The following NEGR1 variants were observed in gnomAD, a reference collection of about 807,000 sequenced individuals.
NEGR1 encodes neuronal growth regulator 1, also known as IgLON family member 4.
NEGR1 carries 10 observed loss-of-function variants against 40.9 expected under a neutral mutation model. The ratio of observed to expected loss-of-function variants is 0.24; its 90% confidence interval spans 0.15 to 0.42. The LOEUF (loss-of-function observed/expected upper bound fraction) is 0.42. Among genes scored for constraint, NEGR1 ranks in the 10% least tolerant of loss-of-function variants. The pLI, the probability that NEGR1 is intolerant of heterozygous loss-of-function variation, is 1.00. For synonymous variants in NEGR1, 185 were observed against 166.8 expected (o/e 1.11, Z -0.84); for missense variants, 352 against 438.9 (o/e 0.80, Z 1.77).
rs1477514705 is a variant in NEGR1 at position 72,021,124 on chromosome 1, A to C, written c.177-85813T>G. 1.1e-4 allele frequency among the ~76,000 whole-genome samples: 16 copies of C among 152,186 alleles called. No individual in the cohort carries two copies. In the East Asian group the frequency reaches 2.7e-3, roughly 26 times the overall value. On this transcript the variant is annotated intron_variant, in intron 1 of 6. Coordinates refer to ENST00000357731, the MANE Select transcript of NEGR1 (RefSeq NM_173808.3). ...ATCCATTTGAAATCAAAAATAAAAT[A>C]TTACATTTTGAAAACCTCATTTGCT...
At chr1:72,234,899 A>AT (rs1449684383) in intron 1 of NEGR1, among the ~76,000 whole-genome samples, 5 of 152,194 alleles carry the variant, frequency 3.3e-5, no homozygotes, top group African/African-American at 1.2e-4. Flanking sequence ...ACTTAAAATC[A>AT]GAAATCCCAT....
At chr1:71,459,047 T>TAATAA (rs1041819546) in intron 6 of NEGR1, among the ~76,000 whole-genome samples, 1 of 151,958 alleles carries the variant, frequency 6.6e-6, no homozygotes, top group African/African-American at 2.4e-5. Flanking sequence ...ATAAATAAAA[T>TAATAA]AATAAAATAA....
At chr1:72,081,954 C>G (rs1648016956) in intron 1 of NEGR1, among the ~76,000 whole-genome samples, 1 of 152,080 alleles carries the variant, frequency 6.6e-6, no homozygotes, top group Non-Finnish European at 1.5e-5. Flanking sequence ...GTTAAACATA[C>G]TCAGAGAATA....
chr1:71,903,481 T>C (rs1242603734), intron 2 of NEGR1, among the ~76,000 whole-genome samples: 1 of 151,932 alleles, frequency 6.6e-6, no homozygotes, highest in African/African-American at 2.4e-5. Context: ...ATTTATAATG[T>C]CAGATGTTGT....
chr1:71,911,981 G>A (rs1333802005), intron 2 of NEGR1, among the ~76,000 whole-genome samples: 1 of 152,046 alleles, frequency 6.6e-6, no homozygotes, highest in Non-Finnish European at 1.5e-5. Context: ...ATATATTAAT[G>A]GGTATCAAGA....
chr1:72,257,578 CT>C (rs1243900723), intron 1 of NEGR1, among the ~76,000 whole-genome samples: 1 of 151,928 alleles, frequency 6.6e-6, no homozygotes, highest in African/African-American at 2.4e-5. Flanking sequence ...TATTTATTTC[CT>C]TTTTATAATT....
chr1:71,505,220 G>T (rs918084606), intron 6 of NEGR1, among the ~76,000 whole-genome samples: 2 of 152,064 alleles, frequency 1.3e-5, no homozygotes, highest in African/African-American at 4.8e-5. Flanking sequence ...AAGATCTAAG[G>T]GCTATAGATC....
At chr1:72,007,267 C>G (rs1231806693) in intron 1 of NEGR1, among the ~76,000 whole-genome samples, 1 of 151,796 alleles carries the variant, frequency 6.6e-6, no homozygotes, top group South Asian at 2.1e-4. Context: ...TATCTTTCTC[C>G]TAGTTTGAAG....
chr1:71,852,613 T>G (rs1217366387), intron 2 of NEGR1, among the ~76,000 whole-genome samples: 2 of 151,934 alleles, frequency 1.3e-5, no homozygotes, highest in Admixed American at 1.3e-4. Flanking sequence ...ACCACAACTG[T>G]TTTGTTTTGT....
chr1:71,964,276 T>C (rs1646192665), intron 1 of NEGR1, among the ~76,000 whole-genome samples: 1 of 152,114 alleles, frequency 6.6e-6, no homozygotes, highest in Non-Finnish European at 1.5e-5. Context: ...CTGGCCTTAG[T>C]GATTATCTTG....
chr1:71,577,479 A>G (rs546129455), intron 6 of NEGR1, among the ~76,000 whole-genome samples: 1 of 152,294 alleles, frequency 6.6e-6, no homozygotes, highest in African/African-American at 2.4e-5. Flanking sequence ...AACCCAGATG[A>G]CTATGTATCT....
chr1:71,639,083 G>A (rs952093574), intron 4 of NEGR1, among the ~76,000 whole-genome samples: 2 of 151,618 alleles, frequency 1.3e-5, no homozygotes, highest in African/African-American at 4.8e-5. Context: ...TGTGTCAAAG[G>A]AGCACACATT....
chr1:71,632,504 T>A (rs868347662), intron 4 of NEGR1, among the ~76,000 whole-genome samples: 33 of 150,886 alleles, frequency 2.2e-4, no homozygotes, highest in African/African-American at 7.8e-4. Flanking sequence ...CTATTAGTAC[T>A]ATTTAATAAT....
At chr1:71,746,284 T>C (rs1266931727) in intron 3 of NEGR1, among the ~76,000 whole-genome samples, 1 of 152,208 alleles carries the variant, frequency 6.6e-6, no homozygotes, top group Admixed American at 6.5e-5. Context: ...AAATGTTTAA[T>C]TAATGAATAA....
At chr1:72,064,941 A>G (rs566687437) in intron 1 of NEGR1, among the ~76,000 whole-genome samples, 1 of 152,196 alleles carries the variant, frequency 6.6e-6, no homozygotes, top group African/African-American at 2.4e-5. Flanking sequence ...TCAATTATAA[A>G]TTACTGTTAA....
intron 2 of NEGR1, among the ~76,000 whole-genome samples, chr1:71,896,035 C>CTTTTTTTT (rs71074810): frequency 9.0e-6 from 1 of 111,216 alleles, no homozygotes; most frequent in African/African-American, 3.5e-5. Context: ...TAACGTTTAA[C>CTTTTTTTT]TTTTTTTTTT....
intron 1 of NEGR1, among the ~76,000 whole-genome samples, chr1:72,250,710 T>TA (rs1385198230): frequency 1.3e-5 from 2 of 152,204 alleles, no homozygotes; most frequent in East Asian, 3.9e-4. Flanking sequence ...TGTCCATTTT[T>TA]ATCAATATCT....
chr1:72,263,157 T>C (rs1474456164), intron 1 of NEGR1, among the ~76,000 whole-genome samples: 7 of 151,660 alleles, frequency 4.6e-5, no homozygotes, highest in Non-Finnish European at 7.4e-5. Flanking sequence ...TTAAATATTA[T>C]TAAAAATAGT....
intron 1 of NEGR1, among the ~76,000 whole-genome samples, chr1:72,060,736 T>C (rs1465762659): frequency 6.6e-6 from 1 of 151,692 alleles, no homozygotes; most frequent in African/African-American, 2.4e-5. Context: ...TCCAAAAGTT[T>C]CCATGTAATT....
Sources: allele counts gnomAD v4.1 joint callset (sites outside exome capture counted in the v4.1 genomes callset), GRCh38; gene constraint gnomAD v4.1.1; transcripts MANE v1.5; gene names NCBI Gene and HGNC (gene_info 2026-07-23, HGNC 2026-07-21).